ZNF536: variants seen among roughly 807,000 people sequenced by gnomAD.
The protein encoded by ZNF536 is zinc finger protein 536.
A neutral mutation model predicts 84.5 loss-of-function variants in ZNF536; 13 were observed. The ratio of observed to expected loss-of-function variants is 0.15; its 90% CI spans 0.10 to 0.24. The LOEUF is 0.24. Among genes scored for constraint, ZNF536 ranks in the 10% least tolerant of loss-of-function variants. ZNF536 has a pLI of 1.00. For synonymous variants in ZNF536, 811 were observed against 742.5 expected (o/e 1.09, Z -1.50); for missense variants, 1,536 against 1,747.5 (o/e 0.88, Z 2.16).
chr19:30,274,069 A>C (rs1003309312), intron 1 of ZNF536, among the ~76,000 whole-genome samples: 2 of 152,208 alleles, frequency 1.3e-5, no homozygotes, highest in Non-Finnish European at 2.9e-5. Context: ...AAAAAGTAAA[A>C]AGTAAATGAG....
chr19:30,393,937 A>G (rs1449100511), intron 1 of ZNF536, among the ~76,000 whole-genome samples: 1 of 152,182 alleles, frequency 6.6e-6, no homozygotes, highest in Non-Finnish European at 1.5e-5. Flanking sequence ...GCAGTGGTGG[A>G]GGAGATAGAG....
chr19:30,680,093 A>C (rs1324557748), intron 1 of ZNF536, among the ~76,000 whole-genome samples: 1 of 151,972 alleles, frequency 6.6e-6, no homozygotes, highest in African/African-American at 2.4e-5. Context: ...GAGTGGGAAA[A>C]AGACTCCTGG....
chr19:30,458,445 C>CTTTTTTTTTTT (rs1568451738), intron 2 of ZNF536, among the ~76,000 whole-genome samples: 2 of 93,692 alleles, frequency 2.1e-5, no homozygotes, highest in Admixed American at 1.0e-4. Context: ...CAATTTCCTG[C>CTTTTTTTTTTT]TGTTTTTTTT....
chr19:30,428,655 T>A (rs1162164257), intron 1 of ZNF536, among the ~76,000 whole-genome samples: 1 of 151,724 alleles, frequency 6.6e-6, no homozygotes, highest in Non-Finnish European at 1.5e-5. Context: ...AGGACATAAC[T>A]TCTGGCACCT....
chr19:30,373,050 C>T lies in ZNF536; in HGVS notation c.-3+494C>T, dbSNP rs988647640. On this transcript the variant is annotated intron_variant, in intron 1 of 4. Transcript: ENST00000355537. ...AAATTACCATACCACACAAAGAAAA[C>T]TCCGCATCGGGATCACCATGCTGAT... Among the ~76,000 whole-genome samples the T allele has an allele frequency of 7.9e-5, 12 of 152,286 alleles. No individual in the cohort carries two copies. The East Asian group carries it at 2.3e-3, about 29-fold the overall frequency.
intron 1 of ZNF536, among the ~76,000 whole-genome samples, chr19:30,643,547 A>G (rs2049342589): frequency 6.6e-6 from 1 of 152,146 alleles, no homozygotes; most frequent in South Asian, 2.1e-4. Context: ...ATGATTCTCA[A>G]TGACTGATTT....
intron 2 of ZNF536, among the ~76,000 whole-genome samples, chr19:30,491,678 C>A (rs373298753): frequency 3.3e-5 from 5 of 152,096 alleles, no homozygotes; most frequent in African/African-American, 1.2e-4. Context: ...ACAAAAAATT[C>A]TTTTGAAATA....
At chr19:30,514,087 G>A (rs754184840) in intron 2 of ZNF536, among the ~76,000 whole-genome samples, 7 of 152,180 alleles carry the variant, frequency 4.6e-5, no homozygotes, top group African/African-American at 9.7e-5. Context: ...TCCTTGACCC[G>A]TGGCAGGCTT....
At chr19:30,336,937 C>T (rs182464189) in intron 2 of ZNF536, among the ~76,000 whole-genome samples, 33 of 152,290 alleles carry the variant, frequency 2.2e-4, no homozygotes, top group African/African-American at 7.5e-4. Context: ...AAAGTGCAGC[C>T]TGACCCACTG....
At chr19:30,372,884 C>T (rs1471708071) in intron 1 of ZNF536, among the ~76,000 whole-genome samples, 1 of 150,088 alleles carries the variant, frequency 6.7e-6, no homozygotes, top group East Asian at 2.0e-4. Context: ...GCAAAAACAC[C>T]AACCAACCAA....
At chr19:30,482,774 G>A (rs2054141202) in intron 2 of ZNF536, among the ~76,000 whole-genome samples, 1 of 152,166 alleles carries the variant, frequency 6.6e-6, no homozygotes, top group Non-Finnish European at 1.5e-5. Flanking sequence ...GACGGTCAGA[G>A]TGAAATGTTC....
At chr19:30,415,314 CCTT>C (rs893357793) in intron 1 of ZNF536, among the ~76,000 whole-genome samples, 6 of 133,886 alleles carry the variant, frequency 4.5e-5, no homozygotes, top group Admixed American at 7.6e-5. Flanking sequence ...TTCTCCTTCT[CCTT>C]CTTCTTCTTC....
chr19:30,446,260 A>AAAAAAAAG (rs2052334811), intron 2 of ZNF536, among the ~76,000 whole-genome samples: 1 of 149,784 alleles, frequency 6.7e-6, no homozygotes, highest in Non-Finnish European at 1.5e-5. Flanking sequence ...AAAAAAAAAA[A>AAAAAAAAG]AAAAAAAAAA....
chr19:30,562,424 G>T (rs992467945), downstream of ZNF536, among the ~76,000 whole-genome samples: 5 of 152,076 alleles, frequency 3.3e-5, no homozygotes, highest in South Asian at 1.0e-3. Context: ...AGACCATTGA[G>T]GATTTTCTTT....
intron 1 of ZNF536, among the ~76,000 whole-genome samples, chr19:30,669,862 GA>G (rs2050476383): frequency 1.3e-5 from 2 of 152,222 alleles, no homozygotes; most frequent in Admixed American, 1.3e-4. Context: ...CAATGTGCAC[GA>G]ATAGAGCGTC....
At chr19:30,690,847 T>G (rs999830459) in intron 1 of ZNF536, among the ~76,000 whole-genome samples, 12 of 152,174 alleles carry the variant, frequency 7.9e-5, no homozygotes, top group African/African-American at 2.9e-4. Flanking sequence ...GTGAGGAGGA[T>G]CTGATAAAAA....
At chr19:30,539,817 C>T (rs1175711288) in intron 3 of ZNF536, among the ~76,000 whole-genome samples, 1 of 152,172 alleles carries the variant, frequency 6.6e-6, no homozygotes, top group Non-Finnish European at 1.5e-5. Context: ...GGGTGAGCAC[C>T]TCATGCGTGG....
At chr19:30,253,672 C>A (rs542202113) in intron 1 of ZNF536, among the ~76,000 whole-genome samples, 2 of 152,310 alleles carry the variant, frequency 1.3e-5, no homozygotes, top group East Asian at 3.9e-4. Context: ...TGTGCCCCGG[C>A]TGGGCGGGTG....
intron 1 of ZNF536, among the ~76,000 whole-genome samples, chr19:30,253,246 T>A (rs2024716274): frequency 6.6e-6 from 1 of 152,256 alleles, no homozygotes; most frequent in African/African-American, 2.4e-5. Flanking sequence ...AAATTGATTT[T>A]AAAAATGTGC....
Sources: allele counts gnomAD v4.1 joint callset (sites outside exome capture counted in the v4.1 genomes callset), GRCh38; gene constraint gnomAD v4.1.1; transcripts MANE v1.5; gene names NCBI Gene and HGNC (gene_info 2026-07-23, HGNC 2026-07-21).